Variants in LYPD6 observed in about 807,000 individuals in gnomAD.
LYPD6 encodes LY6/PLAUR domain containing 6.
In LYPD6, 15 loss-of-function variants were observed where a neutral mutation model predicts 22.7. That is an observed-to-expected ratio of 0.66 (90% confidence interval 0.44 to 1.02). The LOEUF (loss-of-function observed/expected upper bound fraction) is 1.02, where lower values mean the gene tolerates loss of function less well. Among genes scored for constraint, LYPD6 ranks in the 50% least tolerant of loss-of-function variants. LYPD6 has a pLI of 0.00. For synonymous variants in LYPD6, 72 were observed against 77.5 expected, an observed-to-expected ratio of 0.93 and a Z score of 0.37; for missense variants, 189 against 208.4, an observed-to-expected ratio of 0.91 and a Z score of 0.57.
intron 1 of LYPD6, among the ~76,000 whole-genome samples, chr2:149,401,527 C>T (rs1460181479): frequency 6.6e-6 from 1 of 152,152 alleles, no homozygotes; most frequent in Non-Finnish European, 1.5e-5. Context: ...ATTCTTCGAG[C>T]ATTGATGGTA....
chr2:149,429,927 C>G (rs907759591), intron 1 of LYPD6, among the ~76,000 whole-genome samples: 9 of 152,104 alleles, frequency 5.9e-5, no homozygotes, highest in Non-Finnish European at 1.3e-4. Context: ...CACAATTATT[C>G]CAGAGTACCA....
At chr2:149,382,045 A>G (rs1682077659) in intron 1 of LYPD6, among the ~76,000 whole-genome samples, 1 of 152,134 alleles carries the variant, frequency 6.6e-6, no homozygotes, top group South Asian at 2.1e-4. Context: ...GTTGAGTTTC[A>G]CCATTTTTCA....
intron 1 of LYPD6, among the ~76,000 whole-genome samples, chr2:149,362,253 G>C (rs1330387272): frequency 6.6e-6 from 1 of 152,220 alleles, no homozygotes; most frequent in Non-Finnish European, 1.5e-5. Flanking sequence ...CCCATTGTAG[G>C]TTTATGGATG....
chr2:149,412,582 G>A (rs536509218), intron 1 of LYPD6, among the ~76,000 whole-genome samples: 2 of 152,206 alleles, frequency 1.3e-5, no homozygotes, highest in South Asian at 2.1e-4. Flanking sequence ...CAATCAGTCA[G>A]GTGTAGGCTG....
chr2:149,444,821 G>A (rs1387214136), intron 2 of LYPD6, among the ~76,000 whole-genome samples: 1 of 152,160 alleles, frequency 6.6e-6, no homozygotes, highest in Non-Finnish European at 1.5e-5. Context: ...AGTCATCTGT[G>A]ATGGTTGGAA....
At chr2:149,417,102 A>G (rs1300764934) in intron 1 of LYPD6, among the ~76,000 whole-genome samples, 1 of 152,100 alleles carries the variant, frequency 6.6e-6, no homozygotes, top group African/African-American at 2.4e-5. Flanking sequence ...CCAGCTCATG[A>G]TGGGTAGTTC....
chr2:149,470,966 G>A lies in LYPD6; in HGVS notation c.*116G>A, dbSNP rs1169946507. On this transcript the variant is annotated 3_prime_UTR_variant, in exon 5 of 5. Coordinates refer to ENST00000334166, the MANE Select transcript of LYPD6 (RefSeq NM_194317.5). Reference sequence around the variant, plus strand: ...CATGTGAGACACAACACTCTTGGAGGTCATCACAGCCAAGCATTGCCACTT... The same window carrying A: ...CATGTGAGACACAACACTCTTGGAGATCATCACAGCCAAGCATTGCCACTT... 6.3e-6 allele frequency: 6 copies of A among 947,696 alleles called. No homozygotes were observed. The highest frequency in any genetic ancestry group is 9.5e-6 in the Non-Finnish European group (6 of 629,936). The allele number at this position is 947,696 out of a possible 1,614,324, so 58.7% of individuals were successfully genotyped here.
At chr2:149,442,448 A>C (rs1683588986) in intron 2 of LYPD6, among the ~76,000 whole-genome samples, 1 of 152,084 alleles carries the variant, frequency 6.6e-6, no homozygotes, top group Non-Finnish European at 1.5e-5. Flanking sequence ...TTTTCTTTAC[A>C]ATCACCTTCT....
intron 1 of LYPD6, among the ~76,000 whole-genome samples, chr2:149,332,943 G>A (rs915922209): frequency 1.3e-5 from 2 of 152,192 alleles, no homozygotes. Context: ...AAAGGATGAT[G>A]TCCTAATTGT....
chr2:149,342,323 G>C (rs148011770), intron 1 of LYPD6, among the ~76,000 whole-genome samples: 1 of 151,994 alleles, frequency 6.6e-6, no homozygotes, highest in Admixed American at 6.5e-5. Flanking sequence ...CATATCAGTG[G>C]GTAATTTCTA....
intron 1 of LYPD6, among the ~76,000 whole-genome samples, chr2:149,422,988 A>G (rs1484734035): frequency 6.6e-6 from 1 of 152,124 alleles, no homozygotes; most frequent in East Asian, 1.9e-4. Context: ...TCAAATAAGT[A>G]TACCCCTTGT....
At chr2:149,422,089 A>G (rs1308364666) in intron 1 of LYPD6, among the ~76,000 whole-genome samples, 1 of 152,150 alleles carries the variant, frequency 6.6e-6, no homozygotes, top group Non-Finnish European at 1.5e-5. Context: ...GTTCCTGGGC[A>G]GTGTCTTGAC....
At chr2:149,333,409 C>T (rs887367218) in intron 1 of LYPD6, among the ~76,000 whole-genome samples, 5 of 152,114 alleles carry the variant, frequency 3.3e-5, no homozygotes, top group African/African-American at 9.7e-5. Flanking sequence ...TTTGCAATAA[C>T]GTGGTTAAGT....
chr2:149,453,374 A>G lies in LYPD6; in HGVS notation c.217+4227A>G, dbSNP rs561121621. Among the ~76,000 whole-genome samples, 22 of 152,358 alleles carry G rather than the reference A, an allele frequency of 1.4e-4. 1 individual carries two copies. In the South Asian group the frequency reaches 4.1e-3, roughly 29 times the overall value. On this transcript the variant is annotated intron_variant, in intron 3 of 4. Transcript: ENST00000334166. ...TGGAATTAAATGTGAAGTCAAAGAC[A>G]TTCCAGTTTTTAAAAAGGCTTGTTT... is the stretch of plus-strand genomic sequence containing the variant.
At chr2:149,480,006 CT>C in the LYPD6 span, among the ~76,000 whole-genome samples, 1 of 149,264 alleles carries the variant, frequency 6.7e-6, no homozygotes, top group African/African-American at 2.5e-5. Context: ...CTCTGCTTTC[CT>C]TTTTTCTCTC....
chr2:149,455,733 C>A (rs989212678), intron 3 of LYPD6, among the ~76,000 whole-genome samples: 2 of 152,148 alleles, frequency 1.3e-5, no homozygotes, highest in Non-Finnish European at 2.9e-5. Flanking sequence ...TTATCCTGAC[C>A]ACTGTTCACC....
At chr2:149,452,393 G>A (rs1680853303) in intron 3 of LYPD6, among the ~76,000 whole-genome samples, 1 of 152,136 alleles carries the variant, frequency 6.6e-6, no homozygotes, top group African/African-American at 2.4e-5. Flanking sequence ...TGAAAATAAT[G>A]CCATTTTATT....
downstream of LYPD6, among the ~76,000 whole-genome samples, chr2:149,475,667 T>C (rs1336900767): frequency 6.6e-6 from 1 of 152,196 alleles, no homozygotes; most frequent in Non-Finnish European, 1.5e-5. Flanking sequence ...TACATAGCTG[T>C]ATTTGAAACT....
intron 1 of LYPD6, among the ~76,000 whole-genome samples, chr2:149,391,642 C>T (rs544826997): frequency 7.2e-5 from 11 of 152,114 alleles, no homozygotes; most frequent in African/African-American, 2.7e-4. Flanking sequence ...ATATTTGATC[C>T]CTGTTTCACA....
Sources: gnomAD v4.1 joint callset for allele counts (sites outside exome capture counted in the v4.1 genomes callset) on GRCh38, gnomAD v4.1.1 for gene constraint, MANE v1.5 for transcripts, NCBI Gene and HGNC (gene_info 2026-07-23, HGNC 2026-07-21) for gene names.